CAMK4: variants seen among roughly 807,000 people sequenced by gnomAD.
CAMK4 encodes calcium/calmodulin-dependent protein kinase type IV.
A neutral mutation model predicts 44.9 loss-of-function variants in CAMK4; 22 were observed. The observed-to-expected ratio is 0.49, with a 90% confidence interval of 0.35 to 0.70. The LOEUF (loss-of-function observed/expected upper bound fraction) is 0.70, where lower values mean the gene tolerates loss of function less well. Ranked by LOEUF, CAMK4 falls within the 30% of genes least tolerant of loss-of-function variation. CAMK4 has a pLI of 0.01. For synonymous variants in CAMK4, 218 were observed against 215.4 expected (o/e 1.01, Z -0.11); for missense variants, 498 against 586.8 (o/e 0.85, Z 1.56).
chr5:111,451,831 A>G (rs1358586987), intron 7 of CAMK4, among the ~76,000 whole-genome samples: 1 of 152,154 alleles, frequency 6.6e-6, no homozygotes, highest in African/African-American at 2.4e-5. Context: ...CCCAGGAGTT[A>G]GAGGCTGCAG....
At chr5:111,229,306 G>A (rs1267670373) in intron 1 of CAMK4, among the ~76,000 whole-genome samples, 1 of 152,148 alleles carries the variant, frequency 6.6e-6, no homozygotes, top group Non-Finnish European at 1.5e-5. Flanking sequence ...GTCGTCACAA[G>A]GCAGAGAGGA....
intron 4 of CAMK4, among the ~76,000 whole-genome samples, chr5:111,385,985 C>T (rs1751587476): frequency 6.6e-6 from 1 of 152,146 alleles, no homozygotes; most frequent in African/African-American, 2.4e-5. Context: ...CCTCCTCTTT[C>T]TCTTGTCAGC....
upstream of CAMK4, chr5:111,224,049 G>A: frequency 6.2e-6 from 1 of 161,966 alleles, no homozygotes; most frequent in Non-Finnish European, 1.3e-5. The surrounding 1 kb of genome is among the most constrained non-coding windows in gnomAD (Gnocchi z 5.7). Flanking sequence ...CCGCGGGAGG[G>A]CGCGTGGGAT....
At chr5:111,417,268 A>C (rs1353518521) in intron 5 of CAMK4, among the ~76,000 whole-genome samples, 1 of 148,378 alleles carries the variant, frequency 6.7e-6, no homozygotes, top group East Asian at 2.0e-4. Flanking sequence ...TCTGTCACCC[A>C]GGCTGGAGTG....
intron 2 of CAMK4, among the ~76,000 whole-genome samples, chr5:111,361,536 A>G (rs904542557): frequency 6.6e-6 from 1 of 152,042 alleles, no homozygotes; most frequent in Non-Finnish European, 1.5e-5. Context: ...TTACCATATA[A>G]AAATTACTAA....
intron 2 of CAMK4, among the ~76,000 whole-genome samples, chr5:111,369,281 T>C (rs1361544138): frequency 1.3e-5 from 2 of 151,956 alleles, no homozygotes; most frequent in Admixed American, 6.6e-5. Context: ...GCCAGGCTGG[T>C]CTCAAACTCC....
chr5:111,461,989 C>T (rs1409701823), intron 7 of CAMK4, among the ~76,000 whole-genome samples: 1 of 152,092 alleles, frequency 6.6e-6, no homozygotes, highest in Non-Finnish European at 1.5e-5. Flanking sequence ...CCCTGACCTA[C>T]TGGATCTTCA....
At chr5:111,371,115 C>T (rs1024884688) in intron 2 of CAMK4, among the ~76,000 whole-genome samples, 1 of 152,032 alleles carries the variant, frequency 6.6e-6, no homozygotes, top group South Asian at 2.1e-4. Context: ...AACGAAAGAA[C>T]TTTTAGAGTC....
In CAMK4 at chr5:111,455,080, G is replaced by A. The variant is rs547492254; in HGVS notation, c.625+5877G>A. On this transcript the variant is annotated intron_variant, in intron 7 of 10. Coordinates refer to ENST00000282356, the MANE Select transcript of CAMK4 (RefSeq NM_001744.6). ...GTATTAATACATAAAAATGTCCCAT[G>A]TGCTAAGCCTCTAAGCATAACAGTG... 4.6e-5 allele frequency among the ~76,000 whole-genome samples: 7 copies of A among 152,312 alleles called. No individual in the cohort carries two copies. In the South Asian group the frequency reaches 8.3e-4, roughly 18 times the overall value.
At chr5:111,243,994 G>A (rs1030656729) in intron 1 of CAMK4, among the ~76,000 whole-genome samples, 5 of 152,072 alleles carry the variant, frequency 3.3e-5, no homozygotes, top group Admixed American at 6.6e-5. Flanking sequence ...TGAAGAAACC[G>A]GAGCACAGAG....
chr5:111,300,543 T>C (rs1747677914), intron 1 of CAMK4, among the ~76,000 whole-genome samples: 1 of 152,208 alleles, frequency 6.6e-6, no homozygotes, highest in Non-Finnish European at 1.5e-5. Flanking sequence ...TTTTCTCCTT[T>C]TTTGTTAAAA....
chr5:111,439,098 T>C (rs891701872), intron 5 of CAMK4, among the ~76,000 whole-genome samples: 5 of 152,156 alleles, frequency 3.3e-5, no homozygotes, highest in African/African-American at 1.2e-4. Flanking sequence ...TCCTTCATTC[T>C]TTTAGGGTAT....
intron 5 of CAMK4, among the ~76,000 whole-genome samples, chr5:111,430,518 C>T: frequency 6.6e-6 from 1 of 152,100 alleles, no homozygotes; most frequent in Admixed American, 6.5e-5. Context: ...TTAAATTACC[C>T]TTGTTTGCTG....
At chr5:111,443,312 ACACT>A (rs1753907696) in intron 5 of CAMK4, among the ~76,000 whole-genome samples, 1 of 119,512 alleles carries the variant, frequency 8.4e-6, no homozygotes, top group East Asian at 2.5e-4. Context: ...ACACACACAC[ACACT>A]ATATATATAT....
chr5:111,405,647 A>C (rs1460878986), intron 5 of CAMK4, among the ~76,000 whole-genome samples: 1 of 152,138 alleles, frequency 6.6e-6, no homozygotes, highest in East Asian at 1.9e-4. Flanking sequence ...GTGAGAACCA[A>C]GGCTTAAAAA....
At position 111,485,858 on chromosome 5, in the gene CAMK4, C is replaced by T. The variant is rs945843290; in HGVS notation, c.*1392C>T. On this transcript the variant is annotated 3_prime_UTR_variant, in exon 11 of 11. Transcript: ENST00000282356. Reference sequence around the variant, plus strand: ...AAACACTTTCCCCTTATAGAAATTGCACTATCTCCAATTTATTTCTAGTTT... The same window carrying T: ...AAACACTTTCCCCTTATAGAAATTGTACTATCTCCAATTTATTTCTAGTTT... 2.0e-5 allele frequency: 3 copies of T among 152,120 alleles called. No homozygotes were observed. Among genetic ancestry groups the T allele is most frequent in the East Asian group, 1.9e-4 (1 of 5,206 alleles). 9.4% of individuals were successfully genotyped at this position (152,120 alleles called of 1,614,324 possible).
chr5:111,338,299 A>G (rs867475431), intron 1 of CAMK4, among the ~76,000 whole-genome samples: 2 of 151,154 alleles, frequency 1.3e-5, no homozygotes, highest in African/African-American at 4.8e-5. Context: ...TATTAACTAT[A>G]TTATTAAGAG....
chr5:111,368,165 G>A (rs541397051), intron 2 of CAMK4, among the ~76,000 whole-genome samples: 20 of 152,194 alleles, frequency 1.3e-4, no homozygotes, highest in Admixed American at 7.9e-4. Flanking sequence ...GATACTAAAG[G>A]TATGTCTTAT....
intron 5 of CAMK4, among the ~76,000 whole-genome samples, chr5:111,403,639 A>C (rs1752310924): frequency 6.6e-6 from 1 of 152,306 alleles, no homozygotes. Flanking sequence ...GACATAGAAT[A>C]AAGTAGACTA....
Sources: allele counts gnomAD v4.1 joint callset (sites outside exome capture counted in the v4.1 genomes callset), GRCh38; gene constraint gnomAD v4.1.1; non-coding constraint Gnocchi (gnomAD v3.1); transcripts MANE v1.5; gene names NCBI Gene and HGNC (gene_info 2026-07-23, HGNC 2026-07-21).